Variants in DNAH5 observed in about 807,000 individuals in gnomAD.
DNAH5 encodes the protein axonemal beta dynein heavy chain 5.
Under a neutral mutation model 518.2 loss-of-function variants are expected in DNAH5, and 372 were observed. That is an observed-to-expected ratio of 0.72 (90% CI 0.66 to 0.78). The LOEUF (loss-of-function observed/expected upper bound fraction) is 0.78, where lower values mean the gene tolerates loss of function less well. Among genes scored for constraint, DNAH5 ranks in the 30% least tolerant of loss-of-function variants. DNAH5 has a pLI of 0.00. For missense variants in DNAH5, 5,523 were observed against 5,687.0 expected (o/e 0.97, Z 0.93); for synonymous variants, 2,039 against 2,025.9 (o/e 1.01, Z -0.17).
At position 13,969,967 on chromosome 5, in the gene DNAH5, G is replaced by C. The variant is rs149514780; in HGVS notation, c.13-38723C>G. 8.2e-3 allele frequency among the ~76,000 whole-genome samples: 1,245 copies of C among 152,076 alleles called. 10 individuals carry two copies. Among genetic ancestry groups the C allele is most frequent in the African/African-American group, 0.029 (1,197 of 41,494 alleles). ...CTACTAGTAATTGTTTTATAAATTT[G>C]GGAGCTCCAGTGTTAGATGCATATA... On this transcript the variant is annotated intron_variant, in intron 1 of 78. Transcript: ENST00000681290.
Position 13,900,208 on chromosome 5 carries a change from T to C in DNAH5, c.2257A>G (p.Lys753Glu). 6.2e-7 allele frequency: 1 copy of C among 1,612,740 alleles called. No individual in the cohort carries two copies. Among genetic ancestry groups the C allele is most frequent in the Non-Finnish European group, 8.5e-7 (1 of 1,178,728 alleles). Residue 753 changes from lysine to glutamate, a missense_variant and splice_region_variant, in exon 15 of 79, where the codon AAG becomes GAG. Lys to Glu is a moderately conservative substitution (Grantham distance 56). Coordinates refer to ENST00000265104, the MANE Select transcript of DNAH5 (RefSeq NM_001369.3). ...DRYKRNFSNM[K>E]MMLAEYQRVK... ...GGGAAAAAATAAAAGTAGTATACCT[T>C]CATGTTACTGAAGTTCCTTTTGTAT...
chr5:13,848,151 T>A (rs1766305573), intron 31 of DNAH5, among the ~76,000 whole-genome samples: 1 of 152,212 alleles, frequency 6.6e-6, no homozygotes, highest in South Asian at 2.1e-4. Context: ...CTTTTTGTCC[T>A]TCAACAGTTA....
chr5:13,798,740 T>TTTA (rs1230060009), intron 47 of DNAH5, among the ~76,000 whole-genome samples: 270 of 87,262 alleles, frequency 3.1e-3, no homozygotes, highest in Admixed American at 0.011. Flanking sequence ...ATTTTATTTA[T>TTTA]TTTATTTATT....
At chr5:13,956,124 G>A (rs1247834920) in intron 1 of DNAH5, among the ~76,000 whole-genome samples, 1 of 152,060 alleles carries the variant, frequency 6.6e-6, no homozygotes, top group East Asian at 1.9e-4. Flanking sequence ...TCCCATTCAC[G>A]TGTCAAGAAT....
At chr5:13,856,701 G>A (rs1057253397) in intron 30 of DNAH5, among the ~76,000 whole-genome samples, 1 of 152,266 alleles carries the variant, frequency 6.6e-6, no homozygotes, top group South Asian at 2.1e-4. Flanking sequence ...GGGATGTAAC[G>A]CTGGTTCAAC....
intron 28 of DNAH5, 108 bp from the exon 29 acceptor site, chr5:13,862,855 T>TATAA (rs1554081823): frequency 1.0e-5 from 3 of 297,988 alleles, no homozygotes; most frequent in Admixed American, 5.4e-5. Context: ...TATATATAAA[T>TATAA]ATATATATAA....
intron 14 of DNAH5, chr5:13,900,882 A>G: frequency 6.1e-6 from 2 of 330,260 alleles, no homozygotes; most frequent in South Asian, 3.3e-5. Flanking sequence ...CCAGTTGTAC[A>G]ACAAAAGAAA....
chr5:13,768,005 G>A (rs1752741625), intron 58 of DNAH5, among the ~76,000 whole-genome samples: 1 of 152,208 alleles, frequency 6.6e-6, no homozygotes, highest in Non-Finnish European at 1.5e-5. Flanking sequence ...CTTAGTAAAA[G>A]TGAGTCTTCA....
At chr5:13,998,377 T>C (rs888466459) in intron 1 of DNAH5, among the ~76,000 whole-genome samples, 1 of 152,248 alleles carries the variant, frequency 6.6e-6, no homozygotes, top group African/African-American at 2.4e-5. Context: ...CACGTCTTAA[T>C]ACTATTGCAG....
chr5:13,826,669 C>A (rs1279653747), intron 38 of DNAH5, among the ~76,000 whole-genome samples: 2 of 152,212 alleles, frequency 1.3e-5, no homozygotes, highest in Admixed American at 1.3e-4. Context: ...TCAATTAAAC[C>A]TCTTTCCTTT....
intron 17 of DNAH5, among the ~76,000 whole-genome samples, chr5:13,889,298 A>T (rs925112311): frequency 2.6e-5 from 4 of 152,204 alleles, no homozygotes; most frequent in African/African-American, 4.8e-5. Context: ...AGTTTTTTAA[A>T]TGATGAGGAA....
intron 3 of DNAH5, among the ~76,000 whole-genome samples, chr5:13,925,084 G>A (rs1777724624): frequency 6.6e-6 from 1 of 152,142 alleles, no homozygotes; most frequent in Non-Finnish European, 1.5e-5. Context: ...CATGGTGCTA[G>A]GCTAGAGACC....
At position 13,778,599 on chromosome 5, in the gene DNAH5, AG is replaced by A. The variant is rs1231802871; in HGVS notation, c.8952-1245del. 4.3e-4 allele frequency among the ~76,000 whole-genome samples: 50 copies of A among 116,644 alleles called. 2 individuals are homozygous for A. The highest frequency in any genetic ancestry group is 1.7e-3 in the African/African-American group (49 of 28,914). 76.5% of individuals were successfully genotyped at this position (116,644 alleles called of 152,430 possible). On this transcript the variant is annotated intron_variant, in intron 53 of 78. Coordinates refer to ENST00000265104, the MANE Select transcript of DNAH5 (RefSeq NM_001369.3). ...GAAAGAAAGAAAGAAAGAAAGAAAGAGAGAGAGAAAGAAAAAGAAAGAAAGA... is the reference window on the plus strand; with the variant it reads ...GAAAGAAAGAAAGAAAGAAAGAAAGAAGAGAGAAAGAAAAAGAAAGAAAGA...
chr5:13,967,910 C>T (rs978507150), intron 1 of DNAH5, among the ~76,000 whole-genome samples: 10 of 151,882 alleles, frequency 6.6e-5, no homozygotes, highest in Admixed American at 2.6e-4. Flanking sequence ...TTTGGCCACA[C>T]GGTCATTTTC....
chr5:13,980,679 A>C (rs1184189557), intron 1 of DNAH5, among the ~76,000 whole-genome samples: 1 of 151,838 alleles, frequency 6.6e-6, no homozygotes, highest in Non-Finnish European at 1.5e-5. Flanking sequence ...GTAGCACCCA[A>C]ATGGTTCTAT....
Position 13,864,776 on chromosome 5 carries a change from G to A in DNAH5, c.4356-139C>T, listed in dbSNP as rs6554828. 387,609 of 926,970 alleles carry A rather than the reference G, an allele frequency of 0.42. 83,766 individuals carry two copies. Among genetic ancestry groups the A allele is most frequent in the South Asian group, 0.46 (30,776 of 66,940 alleles). 57.4% of individuals were successfully genotyped at this position (926,970 alleles called of 1,614,324 possible). Reference sequence around the variant, plus strand: ...TTTTAAATCCCATGACTTGCAGGCTGTCTGTTCATATAATATACAGATGAC... The same window carrying A: ...TTTTAAATCCCATGACTTGCAGGCTATCTGTTCATATAATATACAGATGAC... On this transcript the variant is annotated intron_variant, in intron 27 of 78. Transcript: ENST00000265104.
chr5:13,894,628 C>A (rs201931288), intron 16 of DNAH5, 22 bp downstream of exon 16: 2 of 1,612,066 alleles, frequency 1.2e-6, no homozygotes, highest in Admixed American at 1.7e-5. Flanking sequence ...TTCAGAAATA[C>A]TAATTATTCA....
At chr5:13,837,240 G>C (rs1683747733) in intron 35 of DNAH5, among the ~76,000 whole-genome samples, 1 of 152,228 alleles carries the variant, frequency 6.6e-6, no homozygotes, top group Non-Finnish European at 1.5e-5. Context: ...AAAGTTAGCA[G>C]AGAGCCTGAA....
At chr5:13,884,179 A>C (rs1228135700) in intron 19 of DNAH5, among the ~76,000 whole-genome samples, 1 of 152,224 alleles carries the variant, frequency 6.6e-6, no homozygotes, top group East Asian at 1.9e-4. Flanking sequence ...GCATAAAAAT[A>C]GTAAAATACA....
Sources: gnomAD v4.1 joint callset for allele counts (sites outside exome capture counted in the v4.1 genomes callset) on GRCh38, gnomAD v4.1.1 for gene constraint, MANE v1.5 for transcripts, NCBI Gene and HGNC (gene_info 2026-07-23, HGNC 2026-07-21) for gene names.